The following DAB1 variants were observed in gnomAD, a reference collection of about 807,000 sequenced individuals.
DAB1 encodes the protein DAB adaptor protein 1.
Under a neutral mutation model 64.6 loss-of-function variants are expected in DAB1, and 15 were observed. The ratio of observed to expected loss-of-function variants is 0.23; its 90% CI spans 0.16 to 0.36. DAB1 has a LOEUF of 0.36. DAB1 is among the 10% of genes least tolerant of loss of function. DAB1 has a pLI of 1.00. For missense variants in DAB1, 596 were observed against 706.7 expected (o/e 0.84, Z 1.78); for synonymous variants, 235 against 251.9 (o/e 0.93, Z 0.64).
intron 5 of DAB1, among the ~76,000 whole-genome samples, chr1:58,022,903 A>C (rs1646834741): frequency 6.6e-6 from 1 of 152,148 alleles, no homozygotes; most frequent in African/African-American, 2.4e-5. Flanking sequence ...GTTTGCTGGG[A>C]GTAAGATCCC....
intron 6 of DAB1, among the ~76,000 whole-genome samples, chr1:57,717,653 G>A (rs924334243): frequency 3.9e-5 from 6 of 152,010 alleles, no homozygotes; most frequent in African/African-American, 1.4e-4. Flanking sequence ...CAATAGCCAA[G>A]ATATGAAATT....
intron 4 of DAB1, among the ~76,000 whole-genome samples, chr1:57,129,243 CTT>C (rs1657430146): frequency 6.6e-6 from 1 of 152,160 alleles, no homozygotes; most frequent in Admixed American, 6.5e-5. Context: ...GAATTATAGA[CTT>C]GGTCCTGTAA....
chr1:57,695,273 G>A lies in DAB1; in HGVS notation n.552-45608C>T, dbSNP rs1005985786. Among the ~76,000 whole-genome samples, 262 of 76,428 alleles carry A rather than the reference G, an allele frequency of 3.4e-3. 22 individuals carry two copies. The highest frequency in any genetic ancestry group is 9.1e-3 in the African/African-American group (175 of 19,316). 50.1% of individuals were successfully genotyped at this position (76,428 alleles called of 152,430 possible). A position where few individuals can be genotyped will look rare whatever the true frequency, so the allele number is the denominator to read the frequency against. On this transcript the variant is annotated intron_variant and non_coding_transcript_variant, in intron 6 of 20. Transcript: ENST00000485760. ...AGAAAGAAAGAAGGAAGGAAGGAAG[G>A]AAGGAAGGAAGAAAGGGAGAGAGAA...
chr1:57,146,441 C>A (rs1569579518), intron 2 of DAB1, among the ~76,000 whole-genome samples: 1 of 152,186 alleles, frequency 6.6e-6, no homozygotes, highest in South Asian at 2.1e-4. Context: ...CTCTTGATTT[C>A]TCCTTCATCA....
chr1:57,355,342 CCCTT>C lies in DAB1; in HGVS notation c.-136-64180_-136-64177del, dbSNP rs200525999. 4.4e-4 allele frequency among the ~76,000 whole-genome samples: 67 copies of C among 151,314 alleles called. No homozygotes were observed. In the Middle Eastern group the frequency reaches 0.017, roughly 39 times the overall value. On this transcript the variant is annotated intron_variant, in intron 1 of 14. Transcript: ENST00000371236. ...TATCTTCCTTCCTTCCTTCCATCCT[CCCTT>C]CCTTCCTTCCTTCCCTTCCTTCCTT... is the stretch of plus-strand genomic sequence containing the variant.
At chr1:57,165,794 C>T (rs886173053) in intron 2 of DAB1, among the ~76,000 whole-genome samples, 11 of 152,236 alleles carry the variant, frequency 7.2e-5, no homozygotes, top group African/African-American at 2.7e-4. Context: ...GCTTTCCACT[C>T]TACCTCTCTT....
chr1:57,390,412 G>C (rs1175972204), intron 1 of DAB1, among the ~76,000 whole-genome samples: 1 of 152,124 alleles, frequency 6.6e-6, no homozygotes, highest in Non-Finnish European at 1.5e-5. Flanking sequence ...TTTGCAAAAG[G>C]TGTCATTTCA....
intron 1 of DAB1, among the ~76,000 whole-genome samples, chr1:57,385,035 G>A (rs894656629): frequency 6.6e-6 from 1 of 152,168 alleles, no homozygotes; most frequent in Non-Finnish European, 1.5e-5. Context: ...AGGTTATACA[G>A]AAACACAAAA....
At chr1:58,374,315 C>T (rs1477471896) in intron 3 of DAB1, among the ~76,000 whole-genome samples, 1 of 119,380 alleles carries the variant, frequency 8.4e-6, no homozygotes. Context: ...GGTTTTAGGT[C>T]TAACGTTTAA....
intron 1 of DAB1, among the ~76,000 whole-genome samples, chr1:57,381,832 C>A (rs2100972935): frequency 6.6e-6 from 1 of 152,274 alleles, no homozygotes; most frequent in African/African-American, 2.4e-5. Flanking sequence ...TATCTCAGAG[C>A]TGATGGTGTG....
chr1:58,533,673 T>C (rs971927375), intron 1 of DAB1, among the ~76,000 whole-genome samples: 16 of 152,146 alleles, frequency 1.1e-4, no homozygotes, highest in Admixed American at 2.0e-4. Context: ...AAATTTAATT[T>C]GAAATAATTA....
chr1:58,411,455 C>T (rs1644667734), intron 3 of DAB1, among the ~76,000 whole-genome samples: 1 of 152,138 alleles, frequency 6.6e-6, no homozygotes, highest in South Asian at 2.1e-4. Context: ...CAGACATCTA[C>T]AATGCAATGA....
At chr1:57,279,058 G>T (rs1241225530) in intron 2 of DAB1, among the ~76,000 whole-genome samples, 1 of 152,188 alleles carries the variant, frequency 6.6e-6, no homozygotes, top group African/African-American at 2.4e-5. Context: ...CTAGGCTGAT[G>T]ATATTATTCA....
chr1:57,892,345 A>C (rs1415179993), intron 5 of DAB1, among the ~76,000 whole-genome samples: 1 of 152,218 alleles, frequency 6.6e-6, no homozygotes, highest in Non-Finnish European at 1.5e-5. Flanking sequence ...CACATCTGAT[A>C]GCCTTTGCTT....
chr1:57,145,657 A>G lies in DAB1; in HGVS notation c.68-228T>C, dbSNP rs17115208. Among the ~76,000 whole-genome samples the G allele has an allele frequency of 0.022, 3,339 of 152,336 alleles. 142 individuals are homozygous for G. Among genetic ancestry groups the G allele is most frequent in the African/African-American group, 0.077 (3,208 of 41,566 alleles). On this transcript the variant is annotated intron_variant, in intron 2 of 14. Transcript: ENST00000371236. ...TTTCTGAGACTCAGTTTTCTCAGGT[A>G]GGGAAAAATAAGTTAAAAATAACCA...
At chr1:58,372,662 T>G (rs1644276141) in intron 3 of DAB1, among the ~76,000 whole-genome samples, 1 of 152,236 alleles carries the variant, frequency 6.6e-6, no homozygotes, top group Non-Finnish European at 1.5e-5. Context: ...ATCCAAATTG[T>G]AATCCCCACA....
At chr1:57,304,395 T>G (rs1224180030) in intron 1 of DAB1, among the ~76,000 whole-genome samples, 1 of 130,758 alleles carries the variant, frequency 7.6e-6, no homozygotes, top group Non-Finnish European at 1.6e-5. Flanking sequence ...CAGTTCAACA[T>G]GAGATTTGGG....
chr1:57,704,335 A>C (rs931080456), intron 6 of DAB1, among the ~76,000 whole-genome samples: 1 of 152,144 alleles, frequency 6.6e-6, no homozygotes, highest in Non-Finnish European at 1.5e-5. Flanking sequence ...TGCACTCCCC[A>C]CCAATGCCTC....
intron 5 of DAB1, among the ~76,000 whole-genome samples, chr1:58,070,384 T>G (rs1364678219): frequency 6.6e-6 from 1 of 152,134 alleles, no homozygotes; most frequent in Non-Finnish European, 1.5e-5. Flanking sequence ...GCTGGTTTGG[T>G]CATCACAACA....
Sources: allele counts gnomAD v4.1 joint callset (sites outside exome capture counted in the v4.1 genomes callset), GRCh38; gene constraint gnomAD v4.1.1; transcripts MANE v1.5; gene names NCBI Gene and HGNC (gene_info 2026-07-23, HGNC 2026-07-21).